FUT8: variants seen among roughly 807,000 people sequenced by gnomAD.
FUT8 encodes fucosyltransferase 8.
In FUT8, 29 loss-of-function variants were observed where a neutral mutation model predicts 71.3. That is an observed-to-expected ratio of 0.41 (90% CI 0.30 to 0.55). The LOEUF (loss-of-function observed/expected upper bound fraction) is 0.55. FUT8 is among the 20% of genes least tolerant of loss of function. The probability of loss-of-function intolerance (pLI) is 0.34; values close to 1 mark genes in which losing one functional copy is unlikely to be tolerated. For synonymous variants in FUT8, 254 were observed against 239.3 expected (o/e 1.06, Z -0.57); for missense variants, 544 against 702.1 (o/e 0.77, Z 2.55).
chr14:65,674,418 C>T (rs925471951), intron 7 of FUT8, among the ~76,000 whole-genome samples: 7 of 152,134 alleles, frequency 4.6e-5, no homozygotes, highest in African/African-American at 1.7e-4. Context: ...ACCTCCCTGT[C>T]CACCTGGAAT....
rs1566851532 is a variant in FUT8 at position 65,611,289 on chromosome 14, ACACACACACACAC to A, written c.204-4687_204-4675del. Among the ~76,000 whole-genome samples the A allele has an allele frequency of 1.6e-3, 72 of 44,472 alleles. 16 individuals carry two copies. The highest frequency in any genetic ancestry group is 7.3e-3 in the African/African-American group (65 of 8,932). The allele number at this position is 44,472 out of a possible 152,430, so 29.2% of individuals were successfully genotyped here. ...CACACACACACACACACACACACAC[ACACACACACACAC>A]CCCCCAAGTAATAGCCTTGATTTTG... On this transcript the variant is annotated intron_variant, in intron 3 of 10. Coordinates refer to ENST00000673929, the MANE Select transcript of FUT8 (RefSeq NM_001371533.1).
chr14:65,685,500 G>T (rs1323767360), intron 7 of FUT8, among the ~76,000 whole-genome samples: 1 of 152,172 alleles, frequency 6.6e-6, no homozygotes, highest in Admixed American at 6.5e-5. Flanking sequence ...CCAAGAGAGG[G>T]TTCTTGGATC....
At position 65,669,336 on chromosome 14, in the gene FUT8, T is replaced by C; in HGVS notation, c.691T>C (p.Phe231Leu). 6.2e-7 allele frequency: 1 copy of C among 1,613,906 alleles called. No homozygotes were observed. The highest frequency in any genetic ancestry group is 8.5e-7 in the Non-Finnish European group (1 of 1,179,856). The change falls in exon 7 of 11, where the codon TTC becomes CTC. Residue 231 changes from phenylalanine to leucine, a missense_variant. Phe to Leu is a conservative substitution (Grantham distance 22). Transcript: ENST00000673929. The surrounding 1 kb of genome is among the most constrained non-coding windows in gnomAD (Gnocchi z 4.5). The stretch of plus-strand genomic sequence containing the variant: ...TCAGCTCCATCATGTGGTCTACTGC[T>C]TCATGATTGCATATGGCACCCAGCG... ...GCQLHHVVYC[F>L]MIAYGTQRTL... is the part of the protein sequence containing the mutation.
At chr14:65,562,054 C>G (rs1885942668) in intron 3 of FUT8, among the ~76,000 whole-genome samples, 1 of 151,868 alleles carries the variant, frequency 6.6e-6, no homozygotes, top group African/African-American at 2.4e-5. Context: ...TTAAGCTCAT[C>G]AGCTATCATT....
rs1223154416 is a variant in FUT8 at position 65,539,893 on chromosome 14, A to G, written c.-227-21444A>G. ...TCCATTGATTGGCTAATTGGTGGAGACACACAGAATGAGTCCCAACATTCT... is the reference window on the plus strand; with the variant it reads ...TCCATTGATTGGCTAATTGGTGGAGGCACACAGAATGAGTCCCAACATTCT... On this transcript the variant is annotated intron_variant, in intron 2 of 10. Coordinates refer to ENST00000673929, the MANE Select transcript of FUT8 (RefSeq NM_001371533.1). Among the ~76,000 whole-genome samples the G allele has an allele frequency of 1.2e-4, 18 of 152,210 alleles. No individual in the cohort carries two copies. In the South Asian group the frequency reaches 3.7e-3, roughly 32 times the overall value.
chr14:65,602,343 TCACACACACA>T (rs1163052408), intron 3 of FUT8, among the ~76,000 whole-genome samples: 2,014 of 48,404 alleles, frequency 0.042, 69 homozygotes, highest in African/African-American at 0.094. Context: ...GTTCCATCTC[TCACACACACA>T]CACACACACA....
chr14:65,392,421 A>G, the FUT8 span, among the ~76,000 whole-genome samples: 32 of 152,354 alleles, frequency 2.1e-4, no homozygotes, highest in African/African-American at 7.0e-4. Flanking sequence ...TCCGTGGCTC[A>G]TTATGCAAGT....
chr14:65,703,159 T>C (rs1894393849), intron 7 of FUT8, among the ~76,000 whole-genome samples: 1 of 152,220 alleles, frequency 6.6e-6, no homozygotes, highest in Non-Finnish European at 1.5e-5. Context: ...TGTTTTAAGC[T>C]CAAATGAGAA....
chr14:65,409,637 T>C (rs2065102593), upstream of FUT8, among the ~76,000 whole-genome samples: 2 of 152,250 alleles, frequency 1.3e-5, no homozygotes, highest in South Asian at 4.1e-4. The surrounding 1 kb of genome is among the most constrained non-coding windows in gnomAD (Gnocchi z 5.4). Flanking sequence ...CTCAATAAAA[T>C]GGCCACTCAT....
At chr14:65,526,491 A>G (rs1016582266) in intron 2 of FUT8, among the ~76,000 whole-genome samples, 1 of 152,174 alleles carries the variant, frequency 6.6e-6, no homozygotes, top group Non-Finnish European at 1.5e-5. Context: ...AATACAGCAC[A>G]CTGATGGGTC....
chr14:65,539,743 G>A (rs1884566052), intron 2 of FUT8, among the ~76,000 whole-genome samples: 1 of 152,014 alleles, frequency 6.6e-6, no homozygotes, highest in South Asian at 2.1e-4. Context: ...CTTTGTACAG[G>A]TTCCTAGTAC....
At chr14:65,453,938 C>T (rs969296432) in intron 1 of FUT8, among the ~76,000 whole-genome samples, 3 of 152,164 alleles carry the variant, frequency 2.0e-5, no homozygotes, top group Non-Finnish European at 2.9e-5. Context: ...GAATTTCCCT[C>T]TTGGCAATGG....
At chr14:65,664,657 G>A in intron 6 of FUT8, among the ~76,000 whole-genome samples, 1 of 152,004 alleles carries the variant, frequency 6.6e-6, no homozygotes, top group East Asian at 1.9e-4. Context: ...CTTTCCTTTG[G>A]AATCATTTTA....
chr14:65,626,661 G>A (rs1476226440), intron 5 of FUT8, among the ~76,000 whole-genome samples: 4 of 152,108 alleles, frequency 2.6e-5, no homozygotes, highest in African/African-American at 9.7e-5. Context: ...ATAATGTAAA[G>A]CACTTAGAAT....
At chr14:65,478,967 CCT>C (rs2066288637) in intron 2 of FUT8, among the ~76,000 whole-genome samples, 2 of 152,176 alleles carry the variant, frequency 1.3e-5, no homozygotes, top group East Asian at 1.9e-4. Context: ...GTGAAAATTC[CCT>C]GTTAGGCTTT....
chr14:65,370,891 A>G, the FUT8 span, among the ~76,000 whole-genome samples: 2 of 152,346 alleles, frequency 1.3e-5, no homozygotes, highest in East Asian at 3.9e-4. Flanking sequence ...TTGAACAACG[A>G]ACAATATGTT....
At chr14:65,662,317 T>G (rs1892005831) in intron 6 of FUT8, among the ~76,000 whole-genome samples, 1 of 152,082 alleles carries the variant, frequency 6.6e-6, no homozygotes, top group Admixed American at 6.6e-5. Context: ...GCCCAGGAGG[T>G]TGAGGTTGTG....
intron 2 of FUT8, among the ~76,000 whole-genome samples, chr14:65,521,868 CTTTT>C (rs71126758): frequency 6.9e-6 from 1 of 144,186 alleles, no homozygotes; most frequent in Non-Finnish European, 1.5e-5. Flanking sequence ...GAATCTTCTT[CTTTT>C]TTTTTTTTTT....
intron 1 of FUT8, among the ~76,000 whole-genome samples, chr14:65,430,497 G>C (rs916652871): frequency 3.3e-5 from 5 of 152,048 alleles, no homozygotes; most frequent in African/African-American, 1.2e-4. Context: ...AAAGATCATC[G>C]TTCATATTTT....
Sources: gnomAD v4.1 joint callset for allele counts (sites outside exome capture counted in the v4.1 genomes callset) on GRCh38, gnomAD v4.1.1 for gene constraint, Gnocchi (gnomAD v3.1) non-coding constraint, MANE v1.5 for transcripts, NCBI Gene and HGNC (gene_info 2026-07-23, HGNC 2026-07-21) for gene names.